The following SMC1A variants were observed in gnomAD, a reference collection of about 807,000 sequenced individuals.
SMC1A encodes structural maintenance of chromosomes 1A.
SMC1A carries 4 observed loss-of-function variants against 94.5 expected under a neutral mutation model. The observed-to-expected ratio is 0.04, with a 90% confidence interval of 0.02 to 0.10. The LOEUF is 0.10. Among genes scored for constraint, SMC1A ranks in the 10% least tolerant of loss-of-function variants. SMC1A has a pLI of 1.00. For missense variants in SMC1A, 304 were observed against 989.0 expected (o/e 0.31, Z 9.29); for synonymous variants, 345 against 347.7 (o/e 0.99, Z 0.09).
intron 1 of SMC1A, among the ~76,000 whole-genome samples, chrX:53,417,289 G>A (rs1388539853): frequency 2.7e-5 from 3 of 110,075 alleles, no homozygotes; most frequent in East Asian, 2.9e-4. Flanking sequence ...GGTGGCTCAC[G>A]CCTGTTATCC....
chrX:53,398,157 T>G (rs1214913583), intron 16 of SMC1A, among the ~76,000 whole-genome samples: 1 of 83,876 alleles, frequency 1.2e-5, no homozygotes, highest in East Asian at 3.7e-4. Flanking sequence ...CACTCTAGCC[T>G]AGGAAACAAG....
At position 53,409,455 on chromosome X, in the gene SMC1A, T is replaced by C. The variant is rs782669991; in HGVS notation, c.1303A>G (p.Ile435Val). 4 of 1,210,547 alleles carry C rather than the reference T, an allele frequency of 3.3e-6. No homozygotes were observed. The highest frequency in any genetic ancestry group is 3.4e-6 in the Non-Finnish European group (3 of 894,695). The change falls in exon 8 of 25, where the codon ATT becomes GTT. Residue 435 changes from isoleucine to valine, a missense_variant. Transcript: ENST00000322213. ...LREIEENQKR[I>V]EKLEEYITTS... ...GTGATGTATTCCTCCAGTTTCTCAA[T>C]CCGCTTCTGATTCTCTTCAATTTCC... is the stretch of plus-strand genomic sequence containing the variant.
intron 1 of SMC1A, among the ~76,000 whole-genome samples, chrX:53,417,672 T>C (rs1247814777): frequency 6.3e-5 from 7 of 110,883 alleles, no homozygotes; most frequent in African/African-American, 2.3e-4. Flanking sequence ...AAAAGACATT[T>C]GGGGAGCAAG....
intron 19 of SMC1A, among the ~76,000 whole-genome samples, chrX:53,392,680 T>C (rs2075634405): frequency 9.0e-6 from 1 of 111,564 alleles, no homozygotes; most frequent in African/African-American, 3.3e-5. Flanking sequence ...ACTCCTGACT[T>C]CAGGTGATCC....
chrX:53,414,616 G>T (rs1269334553), intron 3 of SMC1A, 142 bp downstream of exon 3: 2 of 514,104 alleles, frequency 3.9e-6, no homozygotes, highest in South Asian at 2.6e-5. Context: ...TCAGGGGCCA[G>T]ACTGAAGTTG....
rs1481998182 is a variant in SMC1A at position 53,403,952 on chromosome X, T to G, written c.2197-59A>C. ...CAGGCTCCTTGGAGAAAAAGCTACC[T>G]TGACTGCATTGGCCCCACAGTCAGG... On this transcript the variant is annotated intron_variant, in intron 13 of 24. Transcript: ENST00000322213. The G allele has an allele frequency of 6.3e-6, 5 of 799,792 alleles. No individual in the cohort carries two copies. The East Asian group carries it at 1.3e-4, about 20-fold the overall frequency. 65.9% of individuals were successfully genotyped at this position (799,792 alleles called of 1,213,427 possible).
At chrX:53,415,234 A>G in intron 1 of SMC1A, 65 bp from the exon 2 acceptor site, 1 of 953,743 alleles carries the variant, frequency 1.0e-6, no homozygotes, top group African/African-American at 1.9e-5. Flanking sequence ...AAAGGAATAA[A>G]GATATTGAGA....
intron 19 of SMC1A, among the ~76,000 whole-genome samples, chrX:53,390,917 G>A (rs927327502): frequency 2.3e-4 from 22 of 94,288 alleles, no homozygotes; most frequent in African/African-American, 7.2e-4. Context: ...ACGTGAACCC[G>A]GGAGGCAGAG....
At chrX:53,409,745 C>T (rs782777531) in intron 7 of SMC1A, among the ~76,000 whole-genome samples, 2 of 111,502 alleles carry the variant, frequency 1.8e-5, no homozygotes, top group African/African-American at 6.5e-5. Flanking sequence ...CCAGCCAAGG[C>T]ATCTTCTTCA....
At chrX:53,389,692 T>C (rs1287431401) in intron 19 of SMC1A, among the ~76,000 whole-genome samples, 1 of 109,567 alleles carries the variant, frequency 9.1e-6, no homozygotes, top group Non-Finnish European at 1.9e-5. Context: ...ATTGTGCCCC[T>C]GCACACCAGC....
intron 9 of SMC1A, 100 bp from the exon 10 acceptor site, chrX:53,406,056 T>G: frequency 1.3e-6 from 1 of 775,941 alleles, no homozygotes; most frequent in Non-Finnish European, 2.0e-6. Context: ...CTAGAATCTA[T>G]ATCAGGAAGT....
In SMC1A at chrX:53,376,357, A is replaced by G. The variant is rs2075559641; in HGVS notation, c.*3746T>C. ...ACCCTAGTCATGTGGTAACCTTTAT[A>G]AGCATTCAAGATTCCAAATCTTCAC... is the stretch of plus-strand genomic sequence containing the variant. On this transcript the variant is annotated 3_prime_UTR_variant, in exon 25 of 25. Coordinates refer to ENST00000322213, the MANE Select transcript of SMC1A (RefSeq NM_006306.4). 1 of 111,528 alleles carries G rather than the reference A, an allele frequency of 9.0e-6. No individual in the cohort carries two copies. The highest frequency in any genetic ancestry group is 3.8e-4 in the South Asian group (1 of 2,652). The allele number at this position is 111,528 out of a possible 1,213,427, so 9.2% of individuals were successfully genotyped here.
intron 7 of SMC1A, among the ~76,000 whole-genome samples, chrX:53,409,754 C>T (rs2075704171): frequency 9.0e-6 from 1 of 111,595 alleles, no homozygotes; most frequent in Non-Finnish European, 1.9e-5. Flanking sequence ...GCATCTTCTT[C>T]ACCAACCATG....
chrX:53,382,865 T>G (rs2075590452), intron 20 of SMC1A, among the ~76,000 whole-genome samples: 1 of 111,301 alleles, frequency 9.0e-6, no homozygotes, highest in African/African-American at 3.3e-5. Context: ...TTCCTCCCTG[T>G]GTTCTACCAG....
chrX:53,388,521 C>T lies in SMC1A; in HGVS notation c.2974-5268G>A, dbSNP rs183157877. On this transcript the variant is annotated intron_variant, in intron 19 of 24. Transcript: ENST00000322213. ...ATTTTAGCATCTGAATTGAGACGTGCTGTGTTAAAATACATACTAGATTTT... is the reference window on the plus strand; with the variant it reads ...ATTTTAGCATCTGAATTGAGACGTGTTGTGTTAAAATACATACTAGATTTT... Among the ~76,000 whole-genome samples, 185 of 107,296 alleles carry T rather than the reference C, an allele frequency of 1.7e-3. 2 individuals carry two copies. The highest frequency in any genetic ancestry group is 6.0e-3 in the African/African-American group (178 of 29,445). 93.2% of individuals were successfully genotyped at this position (107,296 alleles called of 115,157 possible).
At chrX:53,418,817 C>T (rs1457243570) in intron 1 of SMC1A, among the ~76,000 whole-genome samples, 1 of 111,078 alleles carries the variant, frequency 9.0e-6, no homozygotes, top group Admixed American at 9.5e-5. Context: ...CCGAGGCAGG[C>T]GGATCACCTG....
intron 13 of SMC1A, among the ~76,000 whole-genome samples, chrX:53,404,619 A>T (rs781874678): frequency 7.2e-5 from 8 of 110,409 alleles, no homozygotes; most frequent in African/African-American, 2.6e-4. Context: ...TCAGCCTCCC[A>T]AGTAGCTGGG....
chrX:53,402,567 A>C (rs1556889054), intron 15 of SMC1A, among the ~76,000 whole-genome samples: 1 of 106,217 alleles, frequency 9.4e-6, no homozygotes, highest in African/African-American at 3.4e-5. Context: ...AAAAAAAAAA[A>C]GCCAGGCGGG....
At chrX:53,403,749 A>G (rs1556889249) in intron 14 of SMC1A, 28 bp downstream of exon 14, 1 of 1,173,301 alleles carries the variant, frequency 8.5e-7, no homozygotes. Flanking sequence ...CCTGACACAC[A>G]CGCTGGCATG....
Sources: allele counts gnomAD v4.1 joint callset (sites outside exome capture counted in the v4.1 genomes callset), GRCh38; gene constraint gnomAD v4.1.1; transcripts MANE v1.5; gene names NCBI Gene and HGNC (gene_info 2026-07-23, HGNC 2026-07-21).